The following CNKSR3 variants were observed in gnomAD, a reference collection of about 807,000 sequenced individuals.
The protein encoded by CNKSR3 is connector enhancer of kinase suppressor of ras 3.
A neutral mutation model predicts 67.7 loss-of-function variants in CNKSR3; 36 were observed. The observed-to-expected ratio is 0.53, with a 90% CI of 0.41 to 0.70. CNKSR3 has a LOEUF of 0.70. CNKSR3 is among the 30% of genes least tolerant of loss of function. The probability of loss-of-function intolerance (pLI) is 0.00; values close to 1 mark genes in which losing one functional copy is unlikely to be tolerated. For synonymous variants in CNKSR3, 281 were observed against 271.4 expected (o/e 1.04, Z -0.35); for missense variants, 630 against 695.2 (o/e 0.91, Z 1.05).
chr6:154,449,110 C>T (rs1337114393), intron 2 of CNKSR3, among the ~76,000 whole-genome samples: 1 of 152,122 alleles, frequency 6.6e-6, no homozygotes, highest in African/African-American at 2.4e-5. Flanking sequence ...GTGTCAGGAC[C>T]CAGCAGGATT....
intron 2 of CNKSR3, among the ~76,000 whole-genome samples, chr6:154,446,802 CTTTTTTTTTTT>C (rs765120948): frequency 8.3e-6 from 1 of 120,362 alleles, no homozygotes. Flanking sequence ...TCATACTTAT[CTTTTTTTTTTT>C]TTTTTTTTTG....
At chr6:154,465,343 A>C (rs1264290675) in intron 1 of CNKSR3, among the ~76,000 whole-genome samples, 1 of 151,880 alleles carries the variant, frequency 6.6e-6, no homozygotes, top group Non-Finnish European at 1.5e-5. Context: ...ATCTACTAAA[A>C]TTTGGGAAAA....
chr6:154,415,404 T>C (rs1785004348), intron 9 of CNKSR3, among the ~76,000 whole-genome samples: 1 of 151,760 alleles, frequency 6.6e-6, no homozygotes, highest in African/African-American at 2.4e-5. Flanking sequence ...CTAATTTTTG[T>C]ATGTTTAGTA....
intron 3 of CNKSR3, among the ~76,000 whole-genome samples, chr6:154,441,705 A>G: frequency 6.6e-6 from 1 of 152,080 alleles, no homozygotes; most frequent in East Asian, 1.9e-4. Context: ...GACACATAAA[A>G]TAGCAATCTG....
rs1784767537 is a variant in CNKSR3, at chr6:154,405,432, G to T, written c.*922C>A. ...CCAGACACACGTTTTCAAAATACCT[G>T]ATGCTAGTTGAAAATTAGTGACCAT... On this transcript the variant is annotated 3_prime_UTR_variant, in exon 13 of 13. Transcript: ENST00000607772. 1 of 152,554 alleles carries T rather than the reference G, an allele frequency of 6.6e-6. No homozygotes were observed. Among genetic ancestry groups the T allele is most frequent in the South Asian group, 2.1e-4 (1 of 4,832 alleles). 9.5% of individuals were successfully genotyped at this position (152,554 alleles called of 1,614,324 possible).
chr6:154,485,569 T>C (rs1317320490), intron 1 of CNKSR3, among the ~76,000 whole-genome samples: 1 of 152,236 alleles, frequency 6.6e-6, no homozygotes, highest in Non-Finnish European at 1.5e-5. Context: ...ACGCATCAGG[T>C]ATGAGTCCTG....
intron 1 of CNKSR3, among the ~76,000 whole-genome samples, chr6:154,483,921 G>A (rs1000576711): frequency 1.5e-4 from 23 of 152,192 alleles, no homozygotes; most frequent in Non-Finnish European, 2.8e-4. Context: ...GATTGGGACT[G>A]TACTACAGAA....
chr6:154,480,872 C>T (rs1313067984), intron 1 of CNKSR3, among the ~76,000 whole-genome samples: 1 of 152,180 alleles, frequency 6.6e-6, no homozygotes, highest in African/African-American at 2.4e-5. Context: ...TGATAGCAGT[C>T]TTATGCTTAT....
At position 154,406,696 on chromosome 6, in the gene CNKSR3, G is replaced by A. The variant is rs199808675; in HGVS notation, c.1370-44C>T. The stretch of plus-strand genomic sequence containing the variant: ...CATTAAGTCACAATCCCAGCCGGGC[G>A]TGGTGGCTCACACCTGTAATCTCCG... On this transcript the variant is annotated intron_variant, in intron 12 of 12. Coordinates refer to ENST00000607772, the MANE Select transcript of CNKSR3 (RefSeq NM_173515.4). 7.4e-5 allele frequency: 114 copies of A among 1,540,530 alleles called. No homozygotes were observed. In the African/African-American group the frequency reaches 1.4e-3, roughly 19 times the overall value.
rs780484118 is a variant in CNKSR3, at chr6:154,411,008, G to C, written c.1205C>G (p.Ser402Trp). 11 of 1,614,074 alleles carry C rather than the reference G, an allele frequency of 6.8e-6. No homozygotes were observed. The highest frequency in any genetic ancestry group is 8.5e-6 in the Non-Finnish European group (10 of 1,180,004). The change falls in exon 11 of 13, where the codon TCG becomes TGG. Residue 402 changes from serine (S) to tryptophan (W), a missense_variant. Coordinates refer to ENST00000607772, the MANE Select transcript of CNKSR3 (RefSeq NM_173515.4). ...SRRRRFTIAD[S>W]DQLPGYSVET... ...CACCGAGTACCCAGGCAACTGATCCGAGTCTGCAATGGTGAATCTTCGTCT... is the reference window on the plus strand; with the variant it reads ...CACCGAGTACCCAGGCAACTGATCCCAGTCTGCAATGGTGAATCTTCGTCT...
At chr6:154,490,191 GT>G (rs1342165899) in intron 1 of CNKSR3, among the ~76,000 whole-genome samples, 2 of 152,124 alleles carry the variant, frequency 1.3e-5, no homozygotes, top group African/African-American at 4.8e-5. Context: ...AGTAAGTCAA[GT>G]TCCTTTTTGC....
At position 154,492,505 on chromosome 6, in the gene CNKSR3, G is replaced by A. The variant is rs1356363637; in HGVS notation, c.52+17558C>T. ...GCCAGATCTTCCCAGCACTTTGCAA[G>A]GCTGAGATGGGCGGATCACTTGATG... On this transcript the variant is annotated intron_variant, in intron 1 of 12. Coordinates refer to ENST00000607772, the MANE Select transcript of CNKSR3 (RefSeq NM_173515.4). 3.3e-5 allele frequency among the ~76,000 whole-genome samples: 5 copies of A among 152,170 alleles called. No individual in the cohort carries two copies. The East Asian group carries it at 9.6e-4, about 29-fold the overall frequency.
At chr6:154,489,404 G>A (rs1310862449) in intron 1 of CNKSR3, among the ~76,000 whole-genome samples, 5 of 152,092 alleles carry the variant, frequency 3.3e-5, no homozygotes, top group East Asian at 1.9e-4. Context: ...GGTGGCGCAC[G>A]CCTGTAGTCC....
At chr6:154,485,556 A>G (rs1245836491) in intron 1 of CNKSR3, among the ~76,000 whole-genome samples, 1 of 152,244 alleles carries the variant, frequency 6.6e-6, no homozygotes, top group Admixed American at 6.5e-5. Context: ...TGCATTTCCC[A>G]AAACGCATCA....
intron 1 of CNKSR3, among the ~76,000 whole-genome samples, chr6:154,472,400 C>T (rs1448095265): frequency 6.6e-6 from 1 of 152,164 alleles, no homozygotes; most frequent in African/African-American, 2.4e-5. Context: ...TCTGAAGGTA[C>T]TCCACTGCCT....
Position 154,390,322 on chromosome 6 carries a change from C to T in CNKSR3, c.*16032G>A, listed in dbSNP as rs555701475. 6.6e-6 allele frequency: 1 copy of T among 152,374 alleles called. No individual in the cohort carries two copies. The highest frequency in any genetic ancestry group is 2.1e-4 in the South Asian group (1 of 4,824). The allele number at this position is 152,374 out of a possible 1,614,324, so 9.4% of individuals were successfully genotyped here. ...ACTGTCAACTCTGCAGCTGGGCCAA[C>T]CATACACACCCAGAGTTCCTAGTTC... On this transcript the variant is annotated 3_prime_UTR_variant, in exon 13 of 13. Transcript: ENST00000607772.
intron 12 of CNKSR3, among the ~76,000 whole-genome samples, chr6:154,409,768 G>C (rs1445169814): frequency 6.6e-6 from 1 of 151,850 alleles, no homozygotes; most frequent in South Asian, 2.1e-4. Context: ...TATTGGCTGG[G>C]TATGGTGGCA....
At chr6:154,496,641 GA>G (rs1786884776) in intron 1 of CNKSR3, among the ~76,000 whole-genome samples, 1 of 152,108 alleles carries the variant, frequency 6.6e-6, no homozygotes, top group South Asian at 2.1e-4. Context: ...CTAAAAACAT[GA>G]AGGGACTACC....
intron 1 of CNKSR3, among the ~76,000 whole-genome samples, chr6:154,498,640 T>C (rs1786924150): frequency 6.6e-6 from 1 of 152,208 alleles, no homozygotes. Flanking sequence ...GTGATTCCTG[T>C]TACAAGTCTC....
Sources: gnomAD v4.1 joint callset for allele counts (sites outside exome capture counted in the v4.1 genomes callset) on GRCh38, gnomAD v4.1.1 for gene constraint, MANE v1.5 for transcripts, NCBI Gene and HGNC (gene_info 2026-07-23, HGNC 2026-07-21) for gene names.